PRSS36: variants seen among roughly 807,000 people sequenced by gnomAD.
PRSS36 encodes the protein polyserase-2.
PRSS36 carries 90 observed loss-of-function variants against 94.3 expected under a neutral mutation model. That is an observed-to-expected ratio of 0.95 (90% CI 0.80 to 1.14). The LOEUF (loss-of-function observed/expected upper bound fraction) is 1.14. Ranked by LOEUF, PRSS36 falls within the 50% of genes most tolerant of loss-of-function variation. The pLI is 0.00. For synonymous variants in PRSS36, 500 were observed against 489.6 expected, an observed-to-expected ratio of 1.02 and a Z score of -0.28; for missense variants, 1,158 against 1,135.0, an observed-to-expected ratio of 1.02 and a Z score of -0.29.
At chr16:31,147,921 T>C (rs1327932208) in intron 5 of PRSS36, among the ~76,000 whole-genome samples, 1 of 152,126 alleles carries the variant, frequency 6.6e-6, no homozygotes, top group Non-Finnish European at 1.5e-5. Context: ...ATAGATTACC[T>C]GAGGTGAAAT....
At chr16:31,141,135 G>A (rs372579866) in intron 12 of PRSS36, among the ~76,000 whole-genome samples, 218 of 152,194 alleles carry the variant, frequency 1.4e-3, no homozygotes, top group African/African-American at 5.1e-3. Flanking sequence ...TGTTGGCCAG[G>A]CTCGTCTTGA....
In PRSS36 at chr16:31,143,587, C is replaced by T. The variant is rs1490992831; in HGVS notation, c.970+1G>A. On this transcript the variant is annotated splice_donor_variant, in intron 7 of 14. Transcript: ENST00000268281. LOFTEE classifies it high-confidence loss of function. ...TACATCCAGGGGTGCCGCCCACTCA[C>T]CAGGCAGGGCAATGGTGCAGTTCTC... 1.2e-6 allele frequency: 2 copies of T among 1,613,924 alleles called. No homozygotes were observed. Among genetic ancestry groups the T allele is most frequent in the Admixed American group, 3.3e-5 (2 of 60,000 alleles).
Position 31,142,841 on chromosome 16 carries a change from G to T in PRSS36, c.1253C>A (p.Thr418Lys). ...CGAAGCCGCGCTCAGGTTCACGGGC[G>T]TGCGCAGCTGCAGCAGCGCCAGGTC... ...ASDLALLQLR[T>K]PVNLSAASRP... The change falls in exon 9 of 15, where the codon ACG becomes AAG. Residue 418 changes from threonine (T) to lysine (K), a missense_variant. Physicochemically the swap from Thr to Lys is moderately conservative, Grantham distance 78. Transcript: ENST00000268281. 3 of 1,554,438 alleles carry T rather than the reference G, an allele frequency of 1.9e-6. No individual in the cohort carries two copies. Among genetic ancestry groups the T allele is most frequent in the Non-Finnish European group, 2.6e-6 (3 of 1,153,880 alleles).
rs771192350 is a variant in PRSS36 at position 31,141,749 on chromosome 16, G to C, written c.1733C>G (p.Thr578Ser). The change falls in exon 11 of 15, where the codon ACT becomes AGT. Residue 578 changes from threonine (T) to serine (S), a missense_variant. Coordinates refer to ENST00000268281, the MANE Select transcript of PRSS36 (RefSeq NM_173502.5). Reference sequence around the variant, plus strand: ...ACCATGCTCTGTGTGTGGGGGACAAGTCTGTGTCTCAGTCTCCTCCCCATC... The same window carrying C: ...ACCATGCTCTGTGTGTGGGGGACAACTCTGTGTCTCAGTCTCCTCCCCATC... Reference protein sequence around the residue: ...GPDGEETETQTCPPHTEHGAC... With the variant: ...GPDGEETETQSCPPHTEHGAC... 19 of 1,613,940 alleles carry C rather than the reference G, an allele frequency of 1.2e-5. No homozygotes were observed. Among genetic ancestry groups the C allele is most frequent in the Middle Eastern group, 1.6e-4 (1 of 6,084 alleles).
chr16:31,145,588 G>A (rs533015114), intron 6 of PRSS36, among the ~76,000 whole-genome samples: 5 of 152,240 alleles, frequency 3.3e-5, no homozygotes, highest in South Asian at 4.1e-4. Flanking sequence ...GCAGTAAGCC[G>A]AGATTGCGCC....
At position 31,143,000 on chromosome 16, in the gene PRSS36, G is replaced by C; in HGVS notation, c.1101-7C>G. 1 of 1,382,928 alleles carries C rather than the reference G, an allele frequency of 7.2e-7. No individual in the cohort carries two copies. Among genetic ancestry groups the C allele is most frequent in the African/African-American group, 1.5e-5 (1 of 65,882 alleles). 85.7% of individuals were successfully genotyped at this position (1,382,928 alleles called of 1,614,324 possible). A position where few individuals can be genotyped will look rare whatever the true frequency, so the allele number is the denominator to read the frequency against. On this transcript the variant is annotated splice_polypyrimidine_tract_variant and splice_region_variant and intron_variant, in intron 8 of 14. Transcript: ENST00000268281. ...GCTGTCGGAGCTGTTCGGGCTGCGG[G>C]ATGGGGGCCGAGGGACGTGGGCCGG...
At chr16:31,147,177 G>T (rs1395803263) in intron 5 of PRSS36, among the ~76,000 whole-genome samples, 3 of 151,960 alleles carry the variant, frequency 2.0e-5, no homozygotes, top group Non-Finnish European at 4.4e-5. Context: ...CCAGGTGCCT[G>T]TACCCCTCTC....
Position 31,150,011 on chromosome 16 carries a change from G to C in PRSS36, c.25C>G (p.Leu9Val). The change falls in exon 1 of 15, where the codon CTT (leucine) becomes GTT (valine). Residue 9 changes from leucine (L) to valine (V), a missense_variant. Physicochemically the swap from Leu to Val is conservative, Grantham distance 32. Coordinates refer to ENST00000268281, the MANE Select transcript of PRSS36 (RefSeq NM_173502.5). ...CCCCTGAGGTTACCAAGCATCACAA[G>C]GGGGAGGAGCAGGTGCCGGGCCATG... The part of the protein sequence containing the change: MARHLLLP[L>V]VMLVISPIPG... The C allele has an allele frequency of 1.2e-6, 2 of 1,613,974 alleles. No individual in the cohort carries two copies. The highest frequency in any genetic ancestry group is 1.7e-6 in the Non-Finnish European group (2 of 1,179,968).
intron 6 of PRSS36, 54 bp downstream of exon 6, chr16:31,145,735 T>G: frequency 6.5e-7 from 1 of 1,541,746 alleles, no homozygotes. Flanking sequence ...TTTATCTATT[T>G]GTCACTGGTT....
rs951361732 is a variant in PRSS36, at chr16:31,141,532, C to G, written c.1838G>C (p.Arg613Pro). ...WLAEVHVAGD[R>P]VCTGILLAPG... is the part of the protein sequence containing the mutation. ...GGCCAGGAGGATCCCAGTGCAGACTCGATCACCAGCCACATGCACCTCTGC... is the reference window on the plus strand; with the variant it reads ...GGCCAGGAGGATCCCAGTGCAGACTGGATCACCAGCCACATGCACCTCTGC... The change falls in exon 12 of 15, where the codon CGA becomes CCA. Residue 613 changes from arginine (R) to proline (P), a missense_variant. Coordinates refer to ENST00000268281, the MANE Select transcript of PRSS36 (RefSeq NM_173502.5). 6.2e-7 allele frequency: 1 copy of G among 1,613,126 alleles called. No individual in the cohort carries two copies. The highest frequency in any genetic ancestry group is 8.5e-7 in the Non-Finnish European group (1 of 1,179,992).
chr16:31,146,913 C>T lies in PRSS36; in HGVS notation c.554-958G>A, dbSNP rs140060502. Among the ~76,000 whole-genome samples, 131 of 152,120 alleles carry T rather than the reference C, an allele frequency of 8.6e-4. 1 individual carries two copies. In the East Asian group the frequency reaches 0.021, roughly 24 times the overall value. On this transcript the variant is annotated intron_variant, in intron 5 of 14. Coordinates refer to ENST00000268281, the MANE Select transcript of PRSS36 (RefSeq NM_173502.5). ...GTAGAATCTGCTTGAAGCTGGGAGG[C>T]GGAGGTTGCAGTGAGCCTAGATCGC... is the stretch of plus-strand genomic sequence containing the variant.
Position 31,139,047 on chromosome 16 carries a change from T to G in PRSS36, c.*91A>C, listed in dbSNP as rs1454111244. 90 of 1,388,140 alleles carry G rather than the reference T, an allele frequency of 6.5e-5. No homozygotes were observed. Among genetic ancestry groups the G allele is most frequent in the Non-Finnish European group, 8.6e-5 (89 of 1,035,868 alleles). The allele number at this position is 1,388,140 out of a possible 1,614,324, so 86.0% of individuals were successfully genotyped here. Reference sequence around the variant, plus strand: ...CTGCAATCTCGGTGGGTGGGGCCCTTGAGGTTCCAGCCGGCTGGGCCACAT... The same window carrying G: ...CTGCAATCTCGGTGGGTGGGGCCCTGGAGGTTCCAGCCGGCTGGGCCACAT... On this transcript the variant is annotated 3_prime_UTR_variant, in exon 15 of 15. Transcript: ENST00000268281.
Position 31,145,750 on chromosome 16 carries a change from C to T in PRSS36, c.720+39G>A, listed in dbSNP as rs938232978. On this transcript the variant is annotated intron_variant, in intron 6 of 14. Coordinates refer to ENST00000268281, the MANE Select transcript of PRSS36 (RefSeq NM_173502.5). Reference sequence around the variant, plus strand: ...TTTATCTATTTGTCACTGGTTAGGACTCTGGCCCTGCCAGGCAGGTGCCGG... The same window carrying T: ...TTTATCTATTTGTCACTGGTTAGGATTCTGGCCCTGCCAGGCAGGTGCCGG... 5 of 1,594,142 alleles carry T rather than the reference C, an allele frequency of 3.1e-6. No individual in the cohort carries two copies. In the African/African-American group the frequency reaches 5.4e-5, roughly 17 times the overall value.
intron 1 of PRSS36, 89 bp downstream of exon 1, chr16:31,149,910 C>T: frequency 6.4e-7 from 1 of 1,554,772 alleles, no homozygotes; most frequent in Non-Finnish European, 8.8e-7. Context: ...ACTTCCTGCT[C>T]CCCACACAGA....
Position 31,139,182 on chromosome 16 carries a change from C to T in PRSS36, c.2524G>A (p.Ala842Thr), listed in dbSNP as rs2057638001. 1.9e-6 allele frequency: 3 copies of T among 1,602,524 alleles called. No homozygotes were observed. In the South Asian group the frequency reaches 3.3e-5, roughly 18 times the overall value. Residue 842 changes from alanine to threonine, a missense_variant, in exon 15 of 15, where the codon GCA (alanine) becomes ACA (threonine). By Grantham distance (58) the Ala-to-Thr change is moderately conservative. Transcript: ENST00000268281. ...GTCAGCAGGAGCAGGAAGTAGACTG[C>T]ATGCGGGGATCCCGAGGCCTTGGCC... ...ELAKASGSPH[A>T]VYFLLLLTLL...
Position 31,142,525 on chromosome 16 carries a change from G to C in PRSS36, c.1477C>G (p.Leu493Val). The C allele has an allele frequency of 6.6e-7, 1 of 1,516,566 alleles. No individual in the cohort carries two copies. The highest frequency in any genetic ancestry group is 1.2e-5 in the South Asian group (1 of 82,022). 93.9% of individuals were successfully genotyped at this position (1,516,566 alleles called of 1,614,324 possible). Residue 493 changes from leucine to valine, a missense_variant, in exon 10 of 15, where the codon CTC becomes GTC. Transcript: ENST00000268281. ...VPLPGDPPHA[L>V]CPAYQEKEEV... Reference sequence around the variant, plus strand: ...TCCTTTTCCTGGTAGGCAGGGCAGAGCGCGTGCGGCGGGTCTCCGGGCAGC... The same window carrying C: ...TCCTTTTCCTGGTAGGCAGGGCAGACCGCGTGCGGCGGGTCTCCGGGCAGC...
intron 8 of PRSS36, 57 bp downstream of exon 8, chr16:31,143,285 G>C (rs1022049888): frequency 5.2e-6 from 8 of 1,533,830 alleles, no homozygotes; most frequent in African/African-American, 1.4e-5. Context: ...CGAATGGATG[G>C]TATCTCAGGC....
At chr16:31,142,697 C>A in intron 9 of PRSS36, 40 bp downstream of exon 9, 1 of 1,347,154 alleles carries the variant, frequency 7.4e-7, no homozygotes, top group South Asian at 1.9e-5. Context: ...GCCCCTGCAC[C>A]GCCCGGTGCC....
Position 31,138,994 on chromosome 16 carries a change from G to A in PRSS36, c.*144C>T. The A allele has an allele frequency of 1.1e-6, 1 of 913,658 alleles. No homozygotes were observed. The highest frequency in any genetic ancestry group is 1.6e-6 in the Non-Finnish European group (1 of 611,256). 56.6% of individuals were successfully genotyped at this position (913,658 alleles called of 1,614,324 possible). ...GGATTCCTGGGTTCAAAATAGCCCG[G>A]GCACTGAGGCCCAATTAGCCAGAGC... is the stretch of plus-strand genomic sequence containing the variant. On this transcript the variant is annotated 3_prime_UTR_variant, in exon 15 of 15. Transcript: ENST00000268281.
Sources: gnomAD v4.1 joint callset for allele counts (sites outside exome capture counted in the v4.1 genomes callset) on GRCh38, gnomAD v4.1.1 for gene constraint, MANE v1.5 for transcripts, NCBI Gene and HGNC (gene_info 2026-07-23, HGNC 2026-07-21) for gene names.